Variants in ANKRD50 observed in about 807,000 individuals in gnomAD.
ANKRD50 encodes the protein ankyrin repeat domain-containing protein 50.
Under a neutral mutation model 112.0 loss-of-function variants are expected in ANKRD50, and 40 were observed. The ratio of observed to expected loss-of-function variants is 0.36; its 90% CI spans 0.28 to 0.46. The LOEUF (loss-of-function observed/expected upper bound fraction) is 0.46, where lower values mean the gene tolerates loss of function less well. ANKRD50 is among the 20% of genes least tolerant of loss of function. ANKRD50 has a pLI of 1.00. For synonymous variants in ANKRD50, 613 were observed against 619.1 expected, an observed-to-expected ratio of 0.99 and a Z score of 0.15; for missense variants, 1,487 against 1,701.7, an observed-to-expected ratio of 0.87 and a Z score of 2.22.
At chr4:124,675,291 G>A (rs1181463287) in intron 3 of ANKRD50, among the ~76,000 whole-genome samples, 3 of 151,768 alleles carry the variant, frequency 2.0e-5, no homozygotes, top group Non-Finnish European at 4.4e-5. Context: ...TGAAAACAGA[G>A]TGAAAGAGAA....
intron 2 of ANKRD50, among the ~76,000 whole-genome samples, chr4:124,704,744 A>C (rs1347549774): frequency 6.6e-6 from 1 of 152,252 alleles, no homozygotes; most frequent in Admixed American, 6.5e-5. Flanking sequence ...AGTCATGAAT[A>C]ACGTTATGAA....
intron 2 of ANKRD50, among the ~76,000 whole-genome samples, chr4:124,687,806 G>A (rs1040214652): frequency 1.3e-5 from 2 of 152,160 alleles, no homozygotes; most frequent in African/African-American, 2.4e-5. Flanking sequence ...TAAAACCACA[G>A]TGTGATACCA....
chr4:124,683,075 T>C (rs1187489063), intron 2 of ANKRD50, among the ~76,000 whole-genome samples: 1 of 151,746 alleles, frequency 6.6e-6, no homozygotes, highest in African/African-American at 2.4e-5. Flanking sequence ...CATACATATA[T>C]ACACACACAT....
intron 2 of ANKRD50, among the ~76,000 whole-genome samples, chr4:124,686,935 G>A (rs114161370): frequency 2.0e-5 from 3 of 152,008 alleles, no homozygotes; most frequent in African/African-American, 7.2e-5. Context: ...AAAGCCTCCT[G>A]CAGAAAACAA....
intron 2 of ANKRD50, among the ~76,000 whole-genome samples, chr4:124,681,926 T>C (rs1350936255): frequency 1.1e-4 from 16 of 152,230 alleles, no homozygotes; most frequent in Non-Finnish European, 1.8e-4. Context: ...CCCAGTTATC[T>C]ATATCTGTAT....
At chr4:124,668,058 A>T (rs1213656782) in intron 4 of ANKRD50, among the ~76,000 whole-genome samples, 1 of 151,988 alleles carries the variant, frequency 6.6e-6, no homozygotes, top group African/African-American at 2.4e-5. Flanking sequence ...GCTGCAGTGT[A>T]TGCTAGGAAA....
At chr4:124,705,714 C>G (rs754241161) in intron 2 of ANKRD50, among the ~76,000 whole-genome samples, 4 of 152,046 alleles carry the variant, frequency 2.6e-5, no homozygotes, top group Non-Finnish European at 4.4e-5. Flanking sequence ...AGTTTTTTGT[C>G]AAAAATAATT....
chr4:124,670,748 T>C lies in ANKRD50; in HGVS notation c.2529A>G (p.Arg843=). The stretch of plus-strand genomic sequence containing the variant: ...GCAAAGGTGTCCATCCAGCATCATC[T>C]CTGTGATTTTCATCTAACCCTCTAT... ...LLDRGLDENH[R]DDAGWTPLHM... Residue 843 remains arginine (R), a synonymous_variant, in exon 4 of 5, where the codon AGA becomes AGG. Transcript: ENST00000504087. The C allele has an allele frequency of 6.2e-7, 1 of 1,613,804 alleles. No homozygotes were observed. Among genetic ancestry groups the C allele is most frequent in the Non-Finnish European group, 8.5e-7 (1 of 1,179,852 alleles).
chr4:124,692,624 A>G (rs1725162869), intron 2 of ANKRD50, among the ~76,000 whole-genome samples: 1 of 152,142 alleles, frequency 6.6e-6, no homozygotes, highest in African/African-American at 2.4e-5. Context: ...AACTTCATGA[A>G]TGGTATTAAT....
intron 2 of ANKRD50, among the ~76,000 whole-genome samples, chr4:124,695,196 C>T (rs10028864): frequency 0.25 from 38,314 of 151,962 alleles, 5,173 homozygotes; most frequent in African/African-American, 0.37. Context: ...ACAAAATTTA[C>T]ATTTTTCAAG....
At chr4:124,701,633 A>G (rs1204624269) in intron 2 of ANKRD50, among the ~76,000 whole-genome samples, 1 of 152,164 alleles carries the variant, frequency 6.6e-6, no homozygotes, top group African/African-American at 2.4e-5. Context: ...CAAAGACACT[A>G]GTAAAACAAC....
At chr4:124,694,444 T>C (rs1490065349) in intron 2 of ANKRD50, among the ~76,000 whole-genome samples, 1 of 152,198 alleles carries the variant, frequency 6.6e-6, no homozygotes, top group Non-Finnish European at 1.5e-5. Context: ...ATAAAATCTC[T>C]AGCTTGCCAA....
intron 2 of ANKRD50, among the ~76,000 whole-genome samples, chr4:124,690,915 C>T (rs1233857747): frequency 6.6e-6 from 1 of 152,164 alleles, no homozygotes. Flanking sequence ...TTCAGAGATA[C>T]ATTGTCTGAC....
rs1725058817 is a variant in ANKRD50 at position 124,688,569 on chromosome 4, T to C, written c.513-9664A>G. On this transcript the variant is annotated intron_variant, in intron 2 of 4. Coordinates refer to ENST00000504087, the MANE Select transcript of ANKRD50 (RefSeq NM_020337.3). ...ACGTTTCTTTGAAACGCAAAAGACA[T>C]AGCTTGGTACTACCAGGGAGTCAGA... Among the ~76,000 whole-genome samples the C allele has an allele frequency of 2.0e-5, 3 of 152,168 alleles. No homozygotes were observed. The South Asian group carries it at 6.2e-4, about 31-fold the overall frequency.
intron 2 of ANKRD50, among the ~76,000 whole-genome samples, chr4:124,699,656 C>A (rs1725343887): frequency 6.6e-6 from 1 of 151,910 alleles, no homozygotes; most frequent in African/African-American, 2.4e-5. Flanking sequence ...AAAAGATTTT[C>A]TATTTGATAA....
At chr4:124,684,185 T>A (rs1248070969) in intron 2 of ANKRD50, among the ~76,000 whole-genome samples, 1 of 152,162 alleles carries the variant, frequency 6.6e-6, no homozygotes, top group African/African-American at 2.4e-5. Context: ...GTTTTTCACA[T>A]TCCTTCCCCA....
rs1160858214 is a variant in ANKRD50 at position 124,670,591 on chromosome 4, C to T, written c.2686G>A (p.Val896Ile). 6.2e-7 allele frequency: 1 copy of T among 1,613,048 alleles called. No individual in the cohort carries two copies. The highest frequency in any genetic ancestry group is 1.1e-5 in the South Asian group (1 of 90,780). ...GATTTGTTTTCCAGTAATATTTGAA[C>T]ACAATCATAATGACCCTCTTGTGAA... Reference protein sequence around the residue: ...LASQEGHYDCVQILLENKSNI... With the variant: ...LASQEGHYDCIQILLENKSNI... Residue 896 changes from valine (V) to isoleucine (I), a missense_variant, in exon 4 of 5, where the codon GTT (valine) becomes ATT (isoleucine). Coordinates refer to ENST00000504087, the MANE Select transcript of ANKRD50 (RefSeq NM_020337.3).
rs368187440 is a variant in ANKRD50 at position 124,671,692 on chromosome 4, G to A, written c.1585C>T (p.Arg529Trp). 33 of 1,613,690 alleles carry A rather than the reference G, an allele frequency of 2.0e-5. No homozygotes were observed. The highest frequency in any genetic ancestry group is 2.0e-4 in the African/African-American group (15 of 74,872). Residue 529 changes from arginine to tryptophan, a missense_variant, in exon 4 of 5, where the codon CGG becomes TGG. Transcript: ENST00000504087. The part of the protein sequence containing the change: ...RQALEREDSI[R>W]TLLDNGASVN... ...GAAGCTCCATTATCTAATAATGTCCGAATGGAATCCTCTCTTTCTAAGGCT... is the reference window on the plus strand; with the variant it reads ...GAAGCTCCATTATCTAATAATGTCCAAATGGAATCCTCTCTTTCTAAGGCT...
At position 124,666,387 on chromosome 4, in the gene ANKRD50, A is replaced by C. The variant is rs1272959850; in HGVS notation, c.*1131T>G. ...TATTAAGTAACAATAAAAAGTACAC[A>C]TGTGCTATGATTGACAGGGGAGTGG... is the stretch of plus-strand genomic sequence containing the variant. On this transcript the variant is annotated 3_prime_UTR_variant, in exon 5 of 5. Coordinates refer to ENST00000504087, the MANE Select transcript of ANKRD50 (RefSeq NM_020337.3). 6.6e-6 allele frequency: 1 copy of C among 152,076 alleles called. No individual in the cohort carries two copies. The highest frequency in any genetic ancestry group is 2.4e-5 in the African/African-American group (1 of 41,378). The allele number at this position is 152,076 out of a possible 1,614,324, so 9.4% of individuals were successfully genotyped here. A position where few individuals can be genotyped will look rare whatever the true frequency, so the allele number is the denominator to read the frequency against.
Sources: gnomAD v4.1 joint callset for allele counts (sites outside exome capture counted in the v4.1 genomes callset) on GRCh38, gnomAD v4.1.1 for gene constraint, MANE v1.5 for transcripts, NCBI Gene and HGNC (gene_info 2026-07-23, HGNC 2026-07-21) for gene names.